The following SOD2 variants were observed in gnomAD, a reference collection of about 807,000 sequenced individuals.
SOD2 encodes superoxide dismutase 2.
In SOD2, 11 loss-of-function variants were observed where a neutral mutation model predicts 27.0. That is an observed-to-expected ratio of 0.41 (90% CI 0.26 to 0.67). The LOEUF is 0.67. Among genes scored for constraint, SOD2 ranks in the 30% least tolerant of loss-of-function variants. The probability of loss-of-function intolerance (pLI) is 0.34; values close to 1 mark genes in which losing one functional copy is unlikely to be tolerated. For synonymous variants in SOD2, 105 were observed against 103.0 expected, an observed-to-expected ratio of 1.02 and a Z score of -0.12; for missense variants, 250 against 274.5, an observed-to-expected ratio of 0.91 and a Z score of 0.63.
intron 1 of SOD2, among the ~76,000 whole-genome samples, chr6:159,721,675 CTTTTTTTTTTTTTTT>C: frequency 1.2e-5 from 1 of 82,252 alleles, no homozygotes; most frequent in Non-Finnish European, 2.1e-5. Context: ...TGCGGCTGAC[CTTTTTTTTTTTTTTT>C]TTTTTTTTTG....
rs568217727 is a variant in SOD2 at position 159,708,423 on chromosome 6, T to C, written c.-115-15560A>G. Reference sequence around the variant, plus strand: ...GCTGATAAGCAACTTCGGCAAAGTCTCAGGATACAAAATCAATATGCAAAA... The same window carrying C: ...GCTGATAAGCAACTTCGGCAAAGTCCCAGGATACAAAATCAATATGCAAAA... On this transcript the variant is annotated intron_variant, in intron 1 of 2. Transcript: ENST00000401980. Among the ~76,000 whole-genome samples, 263 of 152,322 alleles carry C rather than the reference T, an allele frequency of 1.7e-3. 1 individual carries two copies. Among genetic ancestry groups the C allele is most frequent in the African/African-American group, 6.2e-3 (258 of 41,560 alleles).
At position 159,693,151 on chromosome 6, in the gene SOD2, A is replaced by C; in HGVS notation, c.17T>G (p.Val6Gly). The C allele has an allele frequency of 6.5e-7, 1 of 1,533,664 alleles. No individual in the cohort carries two copies. The highest frequency in any genetic ancestry group is 8.8e-7 in the Non-Finnish European group (1 of 1,140,034). Residue 6 changes from valine (V) to glycine (G), a missense_variant, in exon 1 of 5, where the codon GTG becomes GGG. By Grantham distance (109) the Val-to-Gly change is moderately radical. Transcript: ENST00000538183. The stretch of plus-strand genomic sequence containing the variant: ...GGGTCCCCTTTCTTCTCACCCGCAC[A>C]CTGCCCGGCTCAACATGCTGCTAGT... MLSRA[V>G]CGTSRQLAPV...
chr6:159,744,721 AC>A (rs200737470), intron 1 of SOD2, among the ~76,000 whole-genome samples: 1,572 of 150,922 alleles, frequency 0.01, 23 homozygotes, highest in Middle Eastern at 0.034. Flanking sequence ...TTTCCCACTA[AC>A]CCCCCCGCCC....
intron 1 of SOD2, among the ~76,000 whole-genome samples, chr6:159,751,099 T>G (rs1418507302): frequency 6.6e-6 from 1 of 152,220 alleles, no homozygotes; most frequent in African/African-American, 2.4e-5. Flanking sequence ...ATGGGTTGAT[T>G]TTTTTGTTTG....
At chr6:159,734,690 T>G (rs1406578811) in intron 1 of SOD2, among the ~76,000 whole-genome samples, 1 of 152,194 alleles carries the variant, frequency 6.6e-6, no homozygotes, top group Non-Finnish European at 1.5e-5. Context: ...TAAGAACTAA[T>G]TACTTAATTT....
At chr6:159,759,456 G>C (rs866860129) in intron 1 of SOD2, among the ~76,000 whole-genome samples, 1 of 151,206 alleles carries the variant, frequency 6.6e-6, no homozygotes, top group Admixed American at 6.6e-5. Context: ...CGGATCACAA[G>C]GTCAGGAGTT....
chr6:159,761,652 GTC>G, exon 1 of SOD2: 1 of 444,026 alleles, frequency 2.3e-6, no homozygotes, highest in Non-Finnish European at 4.5e-6. Context: ...CGAGAGATAA[GTC>G]TTTGTCACCC....
At chr6:159,738,906 C>A (rs1779077661) in intron 1 of SOD2, 1 of 991,748 alleles carries the variant, frequency 1.0e-6, no homozygotes, top group Non-Finnish European at 1.5e-6. Context: ...AAATCTCACA[C>A]TTGGGAGATG....
chr6:159,692,291 T>C (rs1382596302), intron 2 of SOD2: 3 of 749,262 alleles, frequency 4.0e-6, no homozygotes, highest in Non-Finnish European at 3.7e-6. Flanking sequence ...CCAAAGCACA[T>C]TATACAACAA....
Position 159,670,490 on chromosome 6 carries a change from G to C in SOD2, c.*12003C>G, listed in dbSNP as rs1221024610. 1 of 152,142 alleles carries C rather than the reference G, an allele frequency of 6.6e-6. No homozygotes were observed. Among genetic ancestry groups the C allele is most frequent in the Admixed American group, 6.5e-5 (1 of 15,276 alleles). The allele number at this position is 152,142 out of a possible 1,614,324, so 9.4% of individuals were successfully genotyped here. On this transcript the variant is annotated 3_prime_UTR_variant, in exon 5 of 5. Transcript: ENST00000538183. ...TATACCCTACTGGTTGGAGAACTTT[G>C]TTTAAAGGATATAAGTTGTGTGCCT...
chr6:159,727,653 C>T (rs1778275909), upstream of SOD2: 4 of 985,442 alleles, frequency 4.1e-6, no homozygotes, highest in African/African-American at 3.5e-5. Flanking sequence ...GCAAGCAGCG[C>T]GGCCTCGGCC....
intron 1 of SOD2, 87 bp downstream of exon 1, chr6:159,693,058 C>T: frequency 1.3e-6 from 2 of 1,494,754 alleles, no homozygotes; most frequent in Non-Finnish European, 1.8e-6. Flanking sequence ...AGGCCCGGTG[C>T]GGCCACTGTC....
At chr6:159,687,504 T>C (rs1780247154) in intron 3 of SOD2, among the ~76,000 whole-genome samples, 1 of 150,764 alleles carries the variant, frequency 6.6e-6, no homozygotes, top group Admixed American at 6.6e-5. Flanking sequence ...GTTCATAAAA[T>C]GAAGTCTCTC....
intron 1 of SOD2, chr6:159,760,469 C>T (rs1780101091): frequency 6.6e-6 from 1 of 152,102 alleles, no homozygotes; most frequent in South Asian, 2.1e-4. Context: ...CGGGATATCA[C>T]CATGTTGGCC....
chr6:159,725,035 A>G (rs1157228660), intron 1 of SOD2, among the ~76,000 whole-genome samples: 1 of 152,190 alleles, frequency 6.6e-6, no homozygotes, highest in African/African-American at 2.4e-5. Flanking sequence ...ACACACCTAC[A>G]CAAAGAACCA....
At chr6:159,733,266 T>C (rs1778700439) in intron 1 of SOD2, among the ~76,000 whole-genome samples, 1 of 152,198 alleles carries the variant, frequency 6.6e-6, no homozygotes, top group South Asian at 2.1e-4. Context: ...CTGTATACAA[T>C]TAGCTCAGAA....
upstream of SOD2, among the ~76,000 whole-genome samples, chr6:159,698,000 C>T (rs759582901): frequency 1.3e-5 from 2 of 152,180 alleles, no homozygotes; most frequent in African/African-American, 4.8e-5. Context: ...ATTGGCAGGG[C>T]CCAGTGGCTC....
intron 1 of SOD2, among the ~76,000 whole-genome samples, chr6:159,704,805 C>A (rs1251144501): frequency 6.6e-6 from 1 of 152,212 alleles, no homozygotes; most frequent in Non-Finnish European, 1.5e-5. Flanking sequence ...AGTTTGAGAT[C>A]TGACAACAGA....
At chr6:159,732,135 C>T (rs574713895), upstream of SOD2, among the ~76,000 whole-genome samples, 74 of 152,164 alleles carry the variant, frequency 4.9e-4, no homozygotes, top group Non-Finnish European at 8.4e-4. Flanking sequence ...ATTTTTGATC[C>T]GAGTACTGTA....
Sources: gnomAD v4.1 joint callset for allele counts (sites outside exome capture counted in the v4.1 genomes callset) on GRCh38, gnomAD v4.1.1 for gene constraint, MANE v1.5 for transcripts, NCBI Gene and HGNC (gene_info 2026-07-23, HGNC 2026-07-21) for gene names.